Variants in PTPRD observed in about 807,000 individuals in gnomAD.
PTPRD encodes protein tyrosine phosphatase receptor type D, also known as receptor-type tyrosine-protein phosphatase delta.
In PTPRD, 34 loss-of-function variants were observed where a neutral mutation model predicts 214.5. The observed-to-expected ratio is 0.16, with a 90% CI of 0.12 to 0.21. The LOEUF is 0.21. Ranked by LOEUF, PTPRD falls within the 10% of genes least tolerant of loss-of-function variation. The probability of loss-of-function intolerance (pLI) is 1.00; values close to 1 mark genes in which losing one functional copy is unlikely to be tolerated. For synonymous variants in PTPRD, 1,128 were observed against 845.7 expected (o/e 1.33, Z -5.79); for missense variants, 2,545 against 2,398.7 (o/e 1.06, Z -1.27).
chr9:8,683,411 T>C (rs2097593224), intron 12 of PTPRD, among the ~76,000 whole-genome samples: 1 of 149,720 alleles, frequency 6.7e-6, no homozygotes, highest in Non-Finnish European at 1.5e-5. Flanking sequence ...AGTGTATACA[T>C]AAGTGAGAGA....
At chr9:8,960,609 C>A (rs2099153846) in intron 11 of PTPRD, among the ~76,000 whole-genome samples, 2 of 152,026 alleles carry the variant, frequency 1.3e-5, no homozygotes, top group Non-Finnish European at 2.9e-5. Context: ...ATTCTAGCTG[C>A]CCTAGCTCCA....
At chr9:9,655,831 A>G (rs1289015476) in intron 7 of PTPRD, among the ~76,000 whole-genome samples, 1 of 151,974 alleles carries the variant, frequency 6.6e-6, no homozygotes, top group Admixed American at 6.6e-5. Context: ...TGCAAAAATT[A>G]GCTGGGCGTG....
Position 9,321,098 on chromosome 9 carries a change from A to G in PTPRD, c.-203+76351T>C, listed in dbSNP as rs1334724446. Among the ~76,000 whole-genome samples the G allele has an allele frequency of 2.5e-4, 38 of 152,350 alleles. 1 individual carries two copies. The highest frequency in any genetic ancestry group is 2.5e-3 in the Admixed American group (38 of 15,302). On this transcript the variant is annotated intron_variant, in intron 9 of 45. Coordinates refer to ENST00000381196, the MANE Select transcript of PTPRD (RefSeq NM_002839.4). ...GAGTCCAACACTGAGACACAAATTA[A>G]CATCACTGCATTAGGTATCTTCTTG... is the stretch of plus-strand genomic sequence containing the variant.
chr9:10,391,084 G>A (rs1260807915), intron 2 of PTPRD, among the ~76,000 whole-genome samples: 2 of 151,706 alleles, frequency 1.3e-5, no homozygotes, highest in African/African-American at 4.8e-5. Context: ...ACAGTATTGG[G>A]GATTGTGTTA....
chr9:9,317,339 T>C (rs1329090242), intron 9 of PTPRD, among the ~76,000 whole-genome samples: 2 of 152,206 alleles, frequency 1.3e-5, no homozygotes. Flanking sequence ...CTCTTTTCCC[T>C]TGGAAGTTTC....
chr9:9,777,164 G>C (rs1413418677), intron 5 of PTPRD, among the ~76,000 whole-genome samples: 2 of 151,986 alleles, frequency 1.3e-5, no homozygotes, highest in Admixed American at 6.6e-5. Flanking sequence ...TCTTACCTCT[G>C]GTCCTCAGAT....
At chr9:9,731,092 T>A (rs1042474854) in intron 7 of PTPRD, among the ~76,000 whole-genome samples, 44 of 152,178 alleles carry the variant, frequency 2.9e-4, no homozygotes, top group African/African-American at 1.1e-3. Context: ...GCAATAAGAT[T>A]TTCTGTAAAT....
intron 2 of PTPRD, among the ~76,000 whole-genome samples, chr9:10,487,000 A>G (rs145027993): frequency 4.4e-4 from 67 of 152,324 alleles, no homozygotes; most frequent in African/African-American, 1.6e-3. Context: ...TTGGATGCAT[A>G]CATACTTAAA....
intron 5 of PTPRD, among the ~76,000 whole-genome samples, chr9:9,873,916 T>C (rs2066143610): frequency 6.6e-6 from 1 of 152,106 alleles, no homozygotes; most frequent in Admixed American, 6.6e-5. Flanking sequence ...AGTAAAACAA[T>C]AGCTGACGTG....
intron 11 of PTPRD, among the ~76,000 whole-genome samples, chr9:8,805,617 T>TC (rs2096660868): frequency 6.6e-6 from 1 of 151,680 alleles, no homozygotes; most frequent in Non-Finnish European, 1.5e-5. Flanking sequence ...ATTATTTTTT[T>TC]CCGAGATGGA....
intron 20 of PTPRD, 107 bp from the exon 21 acceptor site, chr9:8,518,536 A>G (rs1195597323): frequency 3.8e-6 from 3 of 782,730 alleles, no homozygotes; most frequent in Non-Finnish European, 3.9e-6. Flanking sequence ...TCTACTGAAG[A>G]TTTAATTAAA....
chr9:10,491,289 G>A (rs1246581154), intron 2 of PTPRD, among the ~76,000 whole-genome samples: 2 of 151,994 alleles, frequency 1.3e-5, no homozygotes, highest in African/African-American at 4.8e-5. Context: ...TAATGGACAA[G>A]ACCACCTTTC....
intron 2 of PTPRD, among the ~76,000 whole-genome samples, chr9:10,518,348 G>A (rs7021300): frequency 0.025 from 3,836 of 152,054 alleles, 174 homozygotes; most frequent in African/African-American, 0.089. Flanking sequence ...TTCACTTATC[G>A]TATCTATTAA....
chr9:9,657,770 G>A (rs1027905382), intron 7 of PTPRD, among the ~76,000 whole-genome samples: 6 of 152,222 alleles, frequency 3.9e-5, no homozygotes, highest in African/African-American at 1.2e-4. Context: ...GCCACATGGG[G>A]GCAAACCAAT....
intron 7 of PTPRD, among the ~76,000 whole-genome samples, chr9:9,619,748 T>C (rs997570550): frequency 6.8e-6 from 1 of 146,358 alleles, no homozygotes; most frequent in Non-Finnish European, 1.5e-5. Flanking sequence ...TCTATAGATG[T>C]AATATTTATA....
intron 8 of PTPRD, among the ~76,000 whole-genome samples, chr9:9,487,225 A>C (rs2095683669): frequency 6.7e-6 from 1 of 150,188 alleles, no homozygotes; most frequent in Admixed American, 6.7e-5. Flanking sequence ...CCCACCCAAC[A>C]ACAGTCCCCG....
intron 21 of PTPRD, among the ~76,000 whole-genome samples, chr9:8,514,517 T>C (rs2097748861): frequency 6.7e-6 from 1 of 148,926 alleles, no homozygotes; most frequent in Non-Finnish European, 1.5e-5. Context: ...TTCTTTTAGA[T>C]AAACTTAGTT....
intron 6 of PTPRD, among the ~76,000 whole-genome samples, chr9:9,751,764 T>C (rs2098522459): frequency 6.6e-6 from 1 of 152,186 alleles, no homozygotes. Flanking sequence ...GCGTGTCTCA[T>C]CTCCAGAGCT....
intron 9 of PTPRD, among the ~76,000 whole-genome samples, chr9:9,325,399 G>A (rs1318957604): frequency 6.6e-6 from 1 of 152,050 alleles, no homozygotes; most frequent in African/African-American, 2.4e-5. Flanking sequence ...CCTTGAAGAG[G>A]TCCTTCATAT....
Sources: allele counts gnomAD v4.1 joint callset (sites outside exome capture counted in the v4.1 genomes callset), GRCh38; gene constraint gnomAD v4.1.1; transcripts MANE v1.5; gene names NCBI Gene and HGNC (gene_info 2026-07-23, HGNC 2026-07-21).